The following FER1L5 variants were observed in gnomAD, a reference collection of about 807,000 sequenced individuals.
The protein encoded by FER1L5 is fer-1 like family member 5, also known as fer-1-like protein 5.
FER1L5 carries 187 observed loss-of-function variants against 279.9 expected under a neutral mutation model. The observed-to-expected ratio is 0.67, with a 90% confidence interval of 0.59 to 0.75. The LOEUF (loss-of-function observed/expected upper bound fraction) is 0.75. Ranked by LOEUF, FER1L5 falls within the 30% of genes least tolerant of loss-of-function variation. FER1L5 has a pLI of 0.00. For synonymous variants in FER1L5, 921 were observed against 989.7 expected, an observed-to-expected ratio of 0.93 and a Z score of 1.30; for missense variants, 2,091 against 2,594.4, an observed-to-expected ratio of 0.81 and a Z score of 4.21.
At chr2:96,647,208 GTT>G in intron 3 of FER1L5, 53 bp downstream of exon 3, 1 of 1,508,814 alleles carries the variant, frequency 6.6e-7, no homozygotes, top group South Asian at 1.2e-5. Context: ...GCAGCAGCAA[GTT>G]ATGTGATCCT....
intron 11 of FER1L5, 81 bp downstream of exon 11, chr2:96,661,521 C>G: frequency 6.7e-7 from 1 of 1,502,880 alleles, no homozygotes; most frequent in Non-Finnish European, 9.1e-7. Flanking sequence ...TGGATATTGA[C>G]CATCACATCT....
rs2075281567 is a variant in FER1L5 at position 96,649,588 on chromosome 2, G to A, written c.340-35G>A. 1.9e-6 allele frequency: 3 copies of A among 1,549,552 alleles called. No individual in the cohort carries two copies. In the South Asian group the frequency reaches 3.6e-5, roughly 18 times the overall value. ...GGGTGCTGTGTCCAAGGATGGCAGG[G>A]TCTGGCTTACAGCTCCCTTGCCTTT... On this transcript the variant is annotated intron_variant, in intron 4 of 52. Coordinates refer to ENST00000624922, the MANE Select transcript of FER1L5 (RefSeq NM_001293083.2).
chr2:96,653,877 A>T, intron 8 of FER1L5, 175 bp downstream of exon 8: 1 of 593,170 alleles, frequency 1.7e-6, no homozygotes, highest in Non-Finnish European at 3.0e-6. Context: ...TTACTCATTT[A>T]TTCAACAAAT....
At chr2:96,686,956 C>T (rs59073958) in intron 23 of FER1L5, among the ~76,000 whole-genome samples, 15,791 of 151,978 alleles carry the variant, frequency 0.1, 1,035 homozygotes, top group African/African-American at 0.18. Flanking sequence ...TTCCCTGGAC[C>T]GTGACGGGGT....
chr2:96,662,368 C>T (rs2075985890), intron 13 of FER1L5, 101 bp downstream of exon 13: 3 of 1,071,352 alleles, frequency 2.8e-6, no homozygotes, highest in Non-Finnish European at 4.2e-6. Context: ...GAATCATCTC[C>T]CAGTCACCCA....
chr2:96,657,710 A>G (rs1246051611), intron 9 of FER1L5, among the ~76,000 whole-genome samples: 1 of 152,094 alleles, frequency 6.6e-6, no homozygotes, highest in Non-Finnish European at 1.5e-5. Context: ...TACATTCTCT[A>G]TCCTTTTGTG....
At chr2:96,690,934 G>A (rs951840873) in intron 27 of FER1L5, among the ~76,000 whole-genome samples, 8 of 152,258 alleles carry the variant, frequency 5.3e-5, no homozygotes, top group African/African-American at 1.9e-4. Flanking sequence ...TGCAAGCTTT[G>A]CTGCTTATGG....
intron 9 of FER1L5, among the ~76,000 whole-genome samples, chr2:96,659,370 T>G (rs61440077): frequency 1.3e-4 from 2 of 14,944 alleles, no homozygotes; most frequent in Non-Finnish European, 2.2e-4. Context: ...TCCTTCTTTC[T>G]TTCTTTCTTT....
At chr2:96,696,961 C>T (rs1334167115) in intron 37 of FER1L5, among the ~76,000 whole-genome samples, 2 of 152,160 alleles carry the variant, frequency 1.3e-5, no homozygotes, top group African/African-American at 4.8e-5. Context: ...CCAGGCTGTT[C>T]TTGAACTCCT....
intron 23 of FER1L5, among the ~76,000 whole-genome samples, chr2:96,686,855 C>CAAAAAAAAAAAA (rs58724485): frequency 4.1e-4 from 17 of 41,056 alleles, no homozygotes; most frequent in East Asian, 7.1e-4. Flanking sequence ...GACTCCGTCT[C>CAAAAAAAAAAAA]AAAAAAAAAA....
intron 19 of FER1L5, among the ~76,000 whole-genome samples, chr2:96,683,169 A>AT (rs990464859): frequency 3.9e-5 from 6 of 152,186 alleles, no homozygotes; most frequent in African/African-American, 1.4e-4. Flanking sequence ...TATGACTGCT[A>AT]TAACAAAGTA....
At chr2:96,649,996 TAG>T (rs558247781) in intron 5 of FER1L5, among the ~76,000 whole-genome samples, 182 bp from the exon 6 acceptor site, 1 of 152,190 alleles carries the variant, frequency 6.6e-6, no homozygotes, top group African/African-American at 2.4e-5. Context: ...CAGGGATCCA[TAG>T]TTCCTGAGCA....
chr2:96,685,681 TC>T (rs1343245863), intron 21 of FER1L5, among the ~76,000 whole-genome samples: 1 of 152,064 alleles, frequency 6.6e-6, no homozygotes, highest in Non-Finnish European at 1.5e-5. Flanking sequence ...CCTGTCCTCT[TC>T]CTCCAGACAA....
At chr2:96,646,617 G>A (rs769487296) in intron 2 of FER1L5, among the ~76,000 whole-genome samples, 164 bp downstream of exon 2, 6 of 152,126 alleles carry the variant, frequency 3.9e-5, no homozygotes, top group African/African-American at 9.7e-5. Context: ...CCTCTGACCC[G>A]ACAAGGCTGT....
At chr2:96,663,194 C>A (rs2076013322) in intron 13 of FER1L5, among the ~76,000 whole-genome samples, 1 of 152,140 alleles carries the variant, frequency 6.6e-6, no homozygotes, top group East Asian at 1.9e-4. Context: ...AAAATGAAGT[C>A]TATTGAAAGC....
In FER1L5 at chr2:96,702,660, T is replaced by A. The variant is rs1423141034; in HGVS notation, c.5316T>A (p.Thr1772=). ...QKTDIHYHSL[T]GEADFNWRFI... The stretch of plus-strand genomic sequence containing the variant: ...CAGACATCCACTACCACTCGCTGAC[T>A]GGGGAGGCCGACTTCAACTGGCGGT... The change falls in exon 48 of 53, where the codon ACT becomes ACA. Residue 1772 remains threonine (T), a synonymous_variant. Transcript: ENST00000624922. This position sits in a 1 kb window ranked among gnomAD's most constrained non-coding sequence, Gnocchi z 4.0. 6.2e-7 allele frequency: 1 copy of A among 1,609,580 alleles called. No individual in the cohort carries two copies. Among genetic ancestry groups the A allele is most frequent in the African/African-American group, 1.3e-5 (1 of 74,960 alleles).
Position 96,701,934 on chromosome 2 carries a change from GT to G in FER1L5, c.5071-20del. ...AACAGAGGCTAGCAACCCCCAACCA[GT>G]CAATGTATCCCGGCTCTAGGGAAAG... On this transcript the variant is annotated intron_variant, in intron 45 of 52. Transcript: ENST00000624922. 6.2e-7 allele frequency: 1 copy of G among 1,612,998 alleles called. No homozygotes were observed.
rs78519375 is a variant in FER1L5 at position 96,660,446 on chromosome 2, C to G, written c.778+75C>G. The G allele has an allele frequency of 4.3e-4, 594 of 1,384,926 alleles. 2 individuals carry two copies. The African/African-American group carries it at 7.1e-3, about 17-fold the overall frequency. The allele number at this position is 1,384,926 out of a possible 1,614,324, so 85.8% of individuals were successfully genotyped here. On this transcript the variant is annotated intron_variant, in intron 10 of 52. Transcript: ENST00000624922. Reference sequence around the variant, plus strand: ...CAAGGGTCAGAATATCTTAAAATCCCCATATGTCCAACACATGGGTGGAGG... The same window carrying G: ...CAAGGGTCAGAATATCTTAAAATCCGCATATGTCCAACACATGGGTGGAGG...
intron 23 of FER1L5, among the ~76,000 whole-genome samples, chr2:96,687,105 T>TG (rs1329438279): frequency 6.6e-6 from 1 of 151,948 alleles, no homozygotes. Context: ...TAATCCTCCC[T>TG]GGGGGGACGT....
Sources: gnomAD v4.1 joint callset for allele counts (sites outside exome capture counted in the v4.1 genomes callset) on GRCh38, gnomAD v4.1.1 for gene constraint, Gnocchi (gnomAD v3.1) non-coding constraint, MANE v1.5 for transcripts, NCBI Gene and HGNC (gene_info 2026-07-23, HGNC 2026-07-21) for gene names.